EBF2: variants seen among roughly 807,000 people sequenced by gnomAD.
EBF2 encodes the protein EBF transcription factor 2.
In EBF2, 21 loss-of-function variants were observed where a neutral mutation model predicts 72.8. The observed-to-expected ratio is 0.29, with a 90% CI of 0.20 to 0.42. The LOEUF is 0.42. EBF2 is among the 10% of genes least tolerant of loss of function. The pLI is 1.00. For missense variants in EBF2, 637 were observed against 731.2 expected, an observed-to-expected ratio of 0.87 and a Z score of 1.49; for synonymous variants, 299 against 274.2, an observed-to-expected ratio of 1.09 and a Z score of -0.89.
At chr8:25,948,366 G>C (rs1803806070) in intron 6 of EBF2, among the ~76,000 whole-genome samples, 1 of 152,178 alleles carries the variant, frequency 6.6e-6, no homozygotes, top group Non-Finnish European at 1.5e-5. Flanking sequence ...TTGAGCTTAG[G>C]TGATGCCTCT....
chr8:25,853,778 T>TA (rs747380796), intron 14 of EBF2, among the ~76,000 whole-genome samples: 13 of 152,088 alleles, frequency 8.5e-5, no homozygotes, highest in Non-Finnish European at 1.5e-4. Context: ...AATAGAAGGC[T>TA]ATGCCAATAT....
intron 6 of EBF2, among the ~76,000 whole-genome samples, chr8:25,926,439 C>G (rs1803388781): frequency 6.6e-6 from 1 of 152,162 alleles, no homozygotes; most frequent in South Asian, 2.1e-4. Context: ...AGATGATGAT[C>G]AAGTCTCTAA....
intron 6 of EBF2, among the ~76,000 whole-genome samples, chr8:25,991,517 G>C (rs1431660701): frequency 6.6e-6 from 1 of 152,098 alleles, no homozygotes; most frequent in East Asian, 1.9e-4. Context: ...GGTGTTCTGG[G>C]AACAAAGACT....
At chr8:25,980,892 G>A (rs1407027632) in intron 6 of EBF2, among the ~76,000 whole-genome samples, 1 of 18,682 alleles carries the variant, frequency 5.4e-5, no homozygotes, top group Non-Finnish European at 8.5e-5. Flanking sequence ...CCCCAGCACT[G>A]TGGTGGGGGG....
intron 6 of EBF2, among the ~76,000 whole-genome samples, chr8:25,941,702 T>G (rs1318086230): frequency 6.6e-6 from 1 of 152,138 alleles, no homozygotes; most frequent in Non-Finnish European, 1.5e-5. Flanking sequence ...GAAGGGTTCC[T>G]CAGCAGTCCT....
At chr8:25,979,561 T>C (rs1767134929) in intron 6 of EBF2, among the ~76,000 whole-genome samples, 1 of 152,190 alleles carries the variant, frequency 6.6e-6, no homozygotes, top group African/African-American at 2.4e-5. Flanking sequence ...GGCTGGCATA[T>C]CTCCCAAACT....
chr8:25,896,574 A>G (rs1016192358), intron 7 of EBF2, among the ~76,000 whole-genome samples: 2 of 152,320 alleles, frequency 1.3e-5, no homozygotes, highest in African/African-American at 2.4e-5. Context: ...TTCGGTTGCC[A>G]TATATGTTAT....
intron 7 of EBF2, among the ~76,000 whole-genome samples, chr8:25,905,509 AG>A (rs1803019500): frequency 6.6e-6 from 1 of 152,242 alleles, no homozygotes; most frequent in Non-Finnish European, 1.5e-5. Context: ...AGCTGTAAAA[AG>A]GAATGAAGTA....
intron 10 of EBF2, among the ~76,000 whole-genome samples, chr8:25,875,015 C>A (rs1305655703): frequency 6.6e-6 from 1 of 152,050 alleles, no homozygotes; most frequent in Admixed American, 6.6e-5. Context: ...TTCCTTGTGA[C>A]CCCCTGTCCC....
chr8:25,997,110 G>T (rs1476182836), intron 6 of EBF2, among the ~76,000 whole-genome samples: 1 of 152,170 alleles, frequency 6.6e-6, no homozygotes, highest in Non-Finnish European at 1.5e-5. Flanking sequence ...CAGCACAGCT[G>T]GAGCAGAACT....
At chr8:26,042,781 C>T (rs1204023366) in intron 1 of EBF2, among the ~76,000 whole-genome samples, 3 of 152,320 alleles carry the variant, frequency 2.0e-5, no homozygotes, top group African/African-American at 4.8e-5. Flanking sequence ...CGCCCAAATG[C>T]TGACTGGGAA....
At chr8:25,979,751 G>A (rs539989440) in intron 6 of EBF2, among the ~76,000 whole-genome samples, 17 of 151,936 alleles carry the variant, frequency 1.1e-4, no homozygotes, top group African/African-American at 3.4e-4. Context: ...TGAATGGTTC[G>A]TCTCTTTTTA....
At chr8:25,921,141 T>C (rs926739170) in intron 6 of EBF2, among the ~76,000 whole-genome samples, 1 of 152,172 alleles carries the variant, frequency 6.6e-6, no homozygotes, top group Non-Finnish European at 1.5e-5. Context: ...GGAATTATCA[T>C]TGGCTATTAA....
At chr8:25,949,010 C>T (rs1490015354) in intron 6 of EBF2, among the ~76,000 whole-genome samples, 2 of 152,208 alleles carry the variant, frequency 1.3e-5, no homozygotes, top group African/African-American at 2.4e-5. Context: ...TACTCTTCTA[C>T]TATTCAAATG....
Position 25,887,262 on chromosome 8 carries a change from C to T in EBF2, c.883-381G>A, listed in dbSNP as rs953010810. On this transcript the variant is annotated intron_variant, in intron 9 of 15. Transcript: ENST00000520164. Reference sequence around the variant, plus strand: ...TCCTGCTGCCAACCCCACCCTCACCCCTGGAATCCTTTCCTCTGCTGAACT... The same window carrying T: ...TCCTGCTGCCAACCCCACCCTCACCTCTGGAATCCTTTCCTCTGCTGAACT... Among the ~76,000 whole-genome samples, 13 of 152,152 alleles carry T rather than the reference C, an allele frequency of 8.5e-5. No homozygotes were observed. In the South Asian group the frequency reaches 1.0e-3, roughly 12 times the overall value.
At chr8:25,939,328 CAT>C (rs561026314) in intron 6 of EBF2, among the ~76,000 whole-genome samples, 15 of 152,260 alleles carry the variant, frequency 9.9e-5, no homozygotes, top group African/African-American at 3.6e-4. Flanking sequence ...AAAAACTTAA[CAT>C]GTGACAGCTT....
chr8:25,936,909 C>G (rs1011213121), intron 6 of EBF2, among the ~76,000 whole-genome samples: 2 of 152,120 alleles, frequency 1.3e-5, no homozygotes, highest in African/African-American at 4.8e-5. Flanking sequence ...TAAAAAGCAA[C>G]AGATACCACA....
At chr8:25,959,607 T>G (rs1186292270) in intron 6 of EBF2, among the ~76,000 whole-genome samples, 1 of 152,242 alleles carries the variant, frequency 6.6e-6, no homozygotes, top group Non-Finnish European at 1.5e-5. Flanking sequence ...GGGGGAGGTT[T>G]TGATTTGGGT....
intron 6 of EBF2, among the ~76,000 whole-genome samples, chr8:25,976,056 T>C (rs1467508806): frequency 6.6e-6 from 1 of 152,192 alleles, no homozygotes; most frequent in Non-Finnish European, 1.5e-5. Flanking sequence ...GATTTACTCA[T>C]GTTCTTAGTT....
Sources: gnomAD v4.1 joint callset for allele counts (sites outside exome capture counted in the v4.1 genomes callset) on GRCh38, gnomAD v4.1.1 for gene constraint, MANE v1.5 for transcripts, NCBI Gene and HGNC (gene_info 2026-07-23, HGNC 2026-07-21) for gene names.